Variants in ZNF385B observed in about 807,000 individuals in gnomAD.
The protein encoded by ZNF385B is zinc finger protein 533.
Under a neutral mutation model 39.2 loss-of-function variants are expected in ZNF385B, and 23 were observed. The ratio of observed to expected loss-of-function variants is 0.59; its 90% CI spans 0.42 to 0.83. ZNF385B has a LOEUF of 0.83. Among genes scored for constraint, ZNF385B ranks in the 40% least tolerant of loss-of-function variants. The pLI is 0.00. For missense variants in ZNF385B, 552 were observed against 598.9 expected (o/e 0.92, Z 0.82); for synonymous variants, 205 against 222.6 (o/e 0.92, Z 0.70).
At chr2:179,509,933 C>G (rs1276991013) in intron 5 of ZNF385B, among the ~76,000 whole-genome samples, 1 of 152,140 alleles carries the variant, frequency 6.6e-6, no homozygotes, top group Non-Finnish European at 1.5e-5. Flanking sequence ...CTCCAAATCC[C>G]CTTATCATAA....
intron 3 of ZNF385B, among the ~76,000 whole-genome samples, chr2:179,597,219 G>T (rs996153662): frequency 6.6e-6 from 1 of 152,100 alleles, no homozygotes; most frequent in Non-Finnish European, 1.5e-5. Flanking sequence ...ATGGCAGCAC[G>T]CCACTTCAGG....
intron 3 of ZNF385B, among the ~76,000 whole-genome samples, chr2:179,618,724 A>G (rs1428522079): frequency 6.6e-6 from 1 of 152,156 alleles, no homozygotes; most frequent in Non-Finnish European, 1.5e-5. Context: ...TAAATAGGAG[A>G]ACAAGAGGAA....
intron 1 of ZNF385B, among the ~76,000 whole-genome samples, chr2:179,805,160 A>T (rs1369366983): frequency 6.6e-6 from 1 of 152,132 alleles, no homozygotes; most frequent in Admixed American, 6.5e-5. Context: ...CCACTGTACT[A>T]GGAAAAAACC....
chr2:179,666,883 C>T (rs1695228075), intron 3 of ZNF385B, among the ~76,000 whole-genome samples: 1 of 150,046 alleles, frequency 6.7e-6, no homozygotes. Context: ...CAACATCTGA[C>T]AAAAATACCT....
chr2:179,762,425 C>G (rs929310767), intron 3 of ZNF385B, among the ~76,000 whole-genome samples: 1 of 152,152 alleles, frequency 6.6e-6, no homozygotes, highest in African/African-American at 2.4e-5. Flanking sequence ...CTGCTGACCT[C>G]AGGTGCTATG....
Position 179,693,283 on chromosome 2 carries a change from T to C in ZNF385B, c.298+76220A>G, listed in dbSNP as rs1016353558. On this transcript the variant is annotated intron_variant, in intron 3 of 9. Transcript: ENST00000410066. ...CAATTCTCATCTAACCCACCACACA[T>C]GTTCCTTTTGTGAGTTATACTCTTT... Among the ~76,000 whole-genome samples, 3 of 152,172 alleles carry C rather than the reference T, an allele frequency of 2.0e-5. No individual in the cohort carries two copies. The East Asian group carries it at 5.8e-4, about 29-fold the overall frequency.
intron 3 of ZNF385B, among the ~76,000 whole-genome samples, chr2:179,614,652 T>C (rs872159): frequency 0.33 from 50,642 of 151,994 alleles, 8,776 homozygotes; most frequent in Middle Eastern, 0.47. Flanking sequence ...AAGCACAGAT[T>C]GACAGTACTG....
chr2:179,519,412 T>G (rs2058325885), intron 4 of ZNF385B, among the ~76,000 whole-genome samples: 1 of 152,330 alleles, frequency 6.6e-6, no homozygotes, highest in South Asian at 2.1e-4. Flanking sequence ...CTAAAATAGA[T>G]TGGCTGACAT....
rs1346885245 is a variant in ZNF385B at position 179,769,617 on chromosome 2, C to A, written c.184G>T (p.Ala62Ser). The A allele has an allele frequency of 6.2e-7, 1 of 1,614,158 alleles. No homozygotes were observed. The highest frequency in any genetic ancestry group is 8.5e-7 in the Non-Finnish European group (1 of 1,180,030). Residue 62 changes from alanine (A) to serine (S), a missense_variant, in exon 3 of 10, where the codon GCC becomes TCC. Physicochemically the swap from Ala to Ser is moderately conservative, Grantham distance 99. Coordinates refer to ENST00000410066, the MANE Select transcript of ZNF385B (RefSeq NM_152520.6). The part of the protein sequence containing the change: ...EVCNIQLNSA[A>S]QAQVHSNGKS... Reference sequence around the variant, plus strand: ...CCGTTGGAATGCACCTGAGCCTGGGCTGCAGAGTTCAGCTGGATGTTGCAC... The same window carrying A: ...CCGTTGGAATGCACCTGAGCCTGGGATGCAGAGTTCAGCTGGATGTTGCAC...
intron 3 of ZNF385B, among the ~76,000 whole-genome samples, chr2:179,609,622 C>T (rs1689119964): frequency 6.6e-6 from 1 of 152,154 alleles, no homozygotes; most frequent in Non-Finnish European, 1.5e-5. Flanking sequence ...CACATGGTAG[C>T]TCTATTTTTA....
At chr2:179,785,638 G>T (rs541887920) in intron 1 of ZNF385B, among the ~76,000 whole-genome samples, 1 of 152,100 alleles carries the variant, frequency 6.6e-6, no homozygotes, top group African/African-American at 2.4e-5. Context: ...AACTGCAGGC[G>T]TGACGGAAAT....
In ZNF385B at chr2:179,707,056, G is replaced by T. The variant is rs143487132; in HGVS notation, c.298+62447C>A. ...AGAGGGGTGAGATGAGCCCATAAAG[G>T]TTCCTGTCCTAGCTGCACATCCAGT... On this transcript the variant is annotated intron_variant, in intron 3 of 9. Coordinates refer to ENST00000410066, the MANE Select transcript of ZNF385B (RefSeq NM_152520.6). Among the ~76,000 whole-genome samples the T allele has an allele frequency of 1.2e-3, 185 of 152,274 alleles. 1 individual carries two copies. The highest frequency in any genetic ancestry group is 3.9e-3 in the African/African-American group (161 of 41,554).
chr2:179,588,422 A>G (rs6707437), intron 3 of ZNF385B, among the ~76,000 whole-genome samples: 110,390 of 151,954 alleles, frequency 0.73, 41,471 homozygotes, highest in Middle Eastern at 0.83. Context: ...TATCTCAAAG[A>G]GGGGGAATGA....
chr2:179,726,515 A>C (rs1015936636), intron 3 of ZNF385B, among the ~76,000 whole-genome samples: 1 of 152,086 alleles, frequency 6.6e-6, no homozygotes, highest in Non-Finnish European at 1.5e-5. Flanking sequence ...GCAATTTTTC[A>C]TACGGTAAAT....
chr2:179,576,653 G>C (rs1458925533), intron 3 of ZNF385B, among the ~76,000 whole-genome samples: 1 of 152,098 alleles, frequency 6.6e-6, no homozygotes. Context: ...ACCCAGTTCT[G>C]GACAAATATT....
chr2:179,648,158 G>A (rs1203854170), intron 3 of ZNF385B, among the ~76,000 whole-genome samples: 1 of 152,084 alleles, frequency 6.6e-6, no homozygotes, highest in Non-Finnish European at 1.5e-5. Flanking sequence ...TGGTGCATGG[G>A]TGGAATAGAG....
In ZNF385B at chr2:179,495,045, C is replaced by T. The variant is rs1574446295; in HGVS notation, c.553-11611G>A. On this transcript the variant is annotated intron_variant, in intron 5 of 9. Transcript: ENST00000410066. ...TCAGCACGGCCACAGAGGGATAGAG[C>T]ACCACGTGTACTCCTGGGGTCCCCA... 3.3e-5 allele frequency among the ~76,000 whole-genome samples: 5 copies of T among 152,220 alleles called. 1 individual carries two copies. The highest frequency in any genetic ancestry group is 3.3e-4 in the Admixed American group (5 of 15,290).
chr2:179,458,489 C>T (rs1173821166), intron 6 of ZNF385B, among the ~76,000 whole-genome samples: 2 of 152,140 alleles, frequency 1.3e-5, no homozygotes, highest in Admixed American at 6.6e-5. Flanking sequence ...ACAGGCACGT[C>T]TTGTAGAGAA....
chr2:179,630,888 G>C (rs556171200), intron 3 of ZNF385B, among the ~76,000 whole-genome samples: 1 of 152,162 alleles, frequency 6.6e-6, no homozygotes, highest in East Asian at 1.9e-4. Context: ...AGCTTCAATA[G>C]CTGATTTGAT....
Sources: allele counts gnomAD v4.1 joint callset (sites outside exome capture counted in the v4.1 genomes callset), GRCh38; gene constraint gnomAD v4.1.1; transcripts MANE v1.5; gene names NCBI Gene and HGNC (gene_info 2026-07-23, HGNC 2026-07-21).